KLRC1: variants seen among roughly 807,000 people sequenced by gnomAD.
KLRC1 encodes the protein killer cell lectin like receptor C1.
In KLRC1, 22 loss-of-function variants were observed where a neutral mutation model predicts 25.9. The observed-to-expected ratio is 0.85, with a 90% CI of 0.61 to 1.21. The LOEUF (loss-of-function observed/expected upper bound fraction) is 1.21, where lower values mean the gene tolerates loss of function less well. Among genes scored for constraint, KLRC1 ranks in the 50% most tolerant of loss-of-function variants. The pLI, the probability that KLRC1 is intolerant of heterozygous loss-of-function variation, is 0.00. For missense variants in KLRC1, 240 were observed against 272.2 expected, an observed-to-expected ratio of 0.88 and a Z score of 0.83; for synonymous variants, 77 against 93.1, an observed-to-expected ratio of 0.83 and a Z score of 0.99.
chr12:10,447,389 T>C (rs1864011303), intron 6 of KLRC1, 143 bp downstream of exon 6: 5 of 727,338 alleles, frequency 6.9e-6, no homozygotes, highest in East Asian at 5.6e-5. Context: ...CTATGGTCTA[T>C]TGTAAAATAT....
chr12:10,453,987 TA>T (rs1173078356), upstream of KLRC1, among the ~76,000 whole-genome samples: 2 of 152,238 alleles, frequency 1.3e-5, no homozygotes, highest in African/African-American at 4.8e-5. Context: ...ATTGAAATAT[TA>T]AATAGCTATT....
downstream of KLRC1, among the ~76,000 whole-genome samples, chr12:10,445,237 G>A (rs1417495272): frequency 1.3e-5 from 2 of 151,722 alleles, no homozygotes; most frequent in Admixed American, 6.6e-5. Context: ...ATTTTATGAG[G>A]GAAATATACA....
chr12:10,443,417 C>A (rs1361979508), downstream of KLRC1, among the ~76,000 whole-genome samples: 2 of 139,824 alleles, frequency 1.4e-5, no homozygotes, highest in African/African-American at 5.5e-5. Context: ...TAATATAAGG[C>A]AAGCCCTTTA....
downstream of KLRC1, among the ~76,000 whole-genome samples, chr12:10,445,517 T>C (rs1863967132): frequency 6.6e-6 from 1 of 152,258 alleles, no homozygotes; most frequent in East Asian, 1.9e-4. Flanking sequence ...ACGATACATA[T>C]GATACACACA....
chr12:10,443,559 A>G (rs942001474), downstream of KLRC1, among the ~76,000 whole-genome samples: 3 of 141,856 alleles, frequency 2.1e-5, 1 homozygote, highest in African/African-American at 5.4e-5. Flanking sequence ...ATAAGTAACA[A>G]TCATAAATGG....
chr12:10,449,649 C>A (rs1864079604), intron 4 of KLRC1, among the ~76,000 whole-genome samples: 1 of 152,058 alleles, frequency 6.6e-6, no homozygotes, highest in African/African-American at 2.4e-5. Context: ...CTTGAAAAAT[C>A]AATGAACTAA....
chr12:10,453,922 A>T (rs1043439867), upstream of KLRC1, among the ~76,000 whole-genome samples: 1 of 152,172 alleles, frequency 6.6e-6, no homozygotes, highest in African/African-American at 2.4e-5. Flanking sequence ...CTTGATAAAA[A>T]TATCTTGGAT....
intron 5 of KLRC1, 118 bp downstream of exon 5, chr12:10,449,119 C>T: frequency 7.8e-7 from 1 of 1,288,394 alleles, no homozygotes; most frequent in East Asian, 2.4e-5. Flanking sequence ...TTAAATACTA[C>T]ATAAACTTGA....
upstream of KLRC1, chr12:10,453,400 G>A (rs1298844209): frequency 1.3e-5 from 13 of 982,372 alleles, no homozygotes; most frequent in Admixed American, 6.2e-5. Context: ...TCTCATCAAC[G>A]TGTTACTAAG....
downstream of KLRC1, chr12:10,445,968 G>C (rs1156546059): frequency 5.3e-5 from 8 of 149,922 alleles, no homozygotes; most frequent in Admixed American, 3.3e-4. Context: ...TTATAAAGAA[G>C]CTAATCTTTA....
intron 6 of KLRC1, 42 bp downstream of exon 6, chr12:10,447,490 T>TCA: frequency 7.2e-7 from 1 of 1,393,794 alleles, no homozygotes; most frequent in South Asian, 1.3e-5. Context: ...AATTTATCCT[T>TCA]TATATATATA....
intron 1 of KLRC1, 169 bp from the exon 2 acceptor site, chr12:10,451,356 G>GT (rs1158284939): frequency 2.3e-6 from 1 of 439,872 alleles, no homozygotes; most frequent in Non-Finnish European, 3.8e-6. Flanking sequence ...ATGAATATTT[G>GT]TTTTAAAAAA....
chr12:10,449,789 AATTTT>A, intron 4 of KLRC1, 120 bp downstream of exon 4: 2 of 727,236 alleles, frequency 2.8e-6, no homozygotes, highest in Middle Eastern at 2.6e-4. Flanking sequence ...GCCTTACTCT[AATTTT>A]ATTTATGAAC....
At chr12:10,444,689 T>C (rs571404078), downstream of KLRC1, among the ~76,000 whole-genome samples, 48 of 152,180 alleles carry the variant, frequency 3.2e-4, no homozygotes, top group African/African-American at 1.1e-3. Context: ...CCTAGAAAAA[T>C]AGTCTACAAA....
intron 2 of KLRC1, 34 bp downstream of exon 2, chr12:10,450,936 G>C: frequency 1.3e-6 from 2 of 1,497,952 alleles, no homozygotes; most frequent in Non-Finnish European, 1.8e-6. Flanking sequence ...GCACATCCTA[G>C]ACTGTTATAT....
Position 10,446,478 on chromosome 12 carries a change from G to A in KLRC1, c.*73C>T, listed in dbSNP as rs764488755. ...TAACATAATTCATTTTAAGATTTATGCAATCATAATATATTTCTATTTTAA... is the reference window on the plus strand; with the variant it reads ...TAACATAATTCATTTTAAGATTTATACAATCATAATATATTTCTATTTTAA... On this transcript the variant is annotated 3_prime_UTR_variant, in exon 7 of 7. Transcript: ENST00000359151. 59 of 1,486,282 alleles carry A rather than the reference G, an allele frequency of 4.0e-5. No individual in the cohort carries two copies. The highest frequency in any genetic ancestry group is 5.2e-5 in the Non-Finnish European group (58 of 1,107,322). The allele number at this position is 1,486,282 out of a possible 1,614,324, so 92.1% of individuals were successfully genotyped here.
At chr12:10,443,000 G>A (rs1863930711), downstream of KLRC1, among the ~76,000 whole-genome samples, 1 of 100,358 alleles carries the variant, frequency 1.0e-5, no homozygotes. Context: ...GAGAAGGATA[G>A]TGGAAGGGTA....
In KLRC1 at chr12:10,450,063, G is replaced by C; in HGVS notation, c.284-96C>G. The C allele has an allele frequency of 3.1e-6, 3 of 959,702 alleles. No homozygotes were observed. In the Admixed American group the frequency reaches 1.1e-4, roughly 37 times the overall value. 59.4% of individuals were successfully genotyped at this position (959,702 alleles called of 1,614,324 possible). On this transcript the variant is annotated intron_variant, in intron 3 of 6. Coordinates refer to ENST00000359151, the MANE Select transcript of KLRC1 (RefSeq NM_002259.5). ...TTTGAATTTTTTTGTATTATTTAGA[G>C]TTAGAATAATATGGAATAAAATTGA...
At chr12:10,452,422 G>A (rs1228052372) in intron 1 of KLRC1, among the ~76,000 whole-genome samples, 2 of 152,078 alleles carry the variant, frequency 1.3e-5, no homozygotes, top group African/African-American at 4.8e-5. Flanking sequence ...CACTTATAAT[G>A]TGCGACCTTT....
Sources: gnomAD v4.1 joint callset for allele counts (sites outside exome capture counted in the v4.1 genomes callset) on GRCh38, gnomAD v4.1.1 for gene constraint, MANE v1.5 for transcripts, NCBI Gene and HGNC (gene_info 2026-07-23, HGNC 2026-07-21) for gene names.